The following APOL3 variants were observed in gnomAD, a reference collection of about 807,000 sequenced individuals.
APOL3 encodes TNF-inducible protein CG12-1.
Under a neutral mutation model 11.6 loss-of-function variants are expected in APOL3, and 14 were observed. That is an observed-to-expected ratio of 1.21 (90% CI 0.80 to 1.89). The LOEUF (loss-of-function observed/expected upper bound fraction) is 1.89, where lower values mean the gene tolerates loss of function less well. APOL3 is among the 40% of genes most tolerant of loss of function. The probability of loss-of-function intolerance (pLI) is 0.00; values close to 1 mark genes in which losing one functional copy is unlikely to be tolerated. For missense variants in APOL3, 483 were observed against 492.1 expected (o/e 0.98, Z 0.17); for synonymous variants, 192 against 190.6 (o/e 1.01, Z -0.06).
At chr22:36,161,863 G>A (rs892540377), upstream of APOL3, among the ~76,000 whole-genome samples, 2 of 152,124 alleles carry the variant, frequency 1.3e-5, no homozygotes, top group African/African-American at 4.8e-5. Context: ...AAAGGTGGGG[G>A]GGTGATTGTC....
upstream of APOL3, chr22:36,161,386 A>T (rs1362203484): frequency 5.5e-6 from 1 of 181,694 alleles, no homozygotes; most frequent in Non-Finnish European, 1.2e-5. Context: ...GTGAAATCTT[A>T]CTATTTTTAC....
At chr22:36,145,019 AAAAAAAG>A (rs1182442904) in intron 2 of APOL3, among the ~76,000 whole-genome samples, 176 of 98,940 alleles carry the variant, frequency 1.8e-3, no homozygotes, top group Middle Eastern at 4.5e-3. Context: ...CAAAAAAAAA[AAAAAAAG>A]AAAAAAAAAG....
At chr22:36,159,216 T>C (rs948499740) in intron 1 of APOL3, 2 of 152,192 alleles carry the variant, frequency 1.3e-5, no homozygotes, top group Admixed American at 6.5e-5. Context: ...TGGGCTGCAA[T>C]GTCAACTTTC....
At chr22:36,151,883 G>T (rs2011758394) in intron 1 of APOL3, among the ~76,000 whole-genome samples, 1 of 152,142 alleles carries the variant, frequency 6.6e-6, no homozygotes, top group East Asian at 1.9e-4. Context: ...AGCCCAAGAG[G>T]TCACAGAGCA....
In APOL3 at chr22:36,154,616, CTG is replaced by C. The variant is rs1008792234; in HGVS notation, c.223+6051_223+6052del. On this transcript the variant is annotated intron_variant, in intron 1 of 2. Transcript: ENST00000349314. The stretch of plus-strand genomic sequence containing the variant: ...AAGCTGGCGTGGACTCCCAGAAGGG[CTG>C]TGTTATTCTCCTATGGACAGAAATA... 2.3e-5 allele frequency: 11 copies of C among 470,966 alleles called. No homozygotes were observed. The East Asian group carries it at 2.8e-4, about 12-fold the overall frequency. 29.2% of individuals were successfully genotyped at this position (470,966 alleles called of 1,614,324 possible).
chr22:36,147,798 A>T (rs900982360), intron 1 of APOL3, among the ~76,000 whole-genome samples: 2 of 152,238 alleles, frequency 1.3e-5, no homozygotes, highest in Non-Finnish European at 2.9e-5. Flanking sequence ...AGGGTGTTAA[A>T]GCAAACTTAA....
chr22:36,146,754 A>G (rs1002943284), intron 1 of APOL3, among the ~76,000 whole-genome samples: 1 of 152,142 alleles, frequency 6.6e-6, no homozygotes, highest in Non-Finnish European at 1.5e-5. Flanking sequence ...TCAACAGAGA[A>G]ACCAATGAAT....
chr22:36,158,788 G>A (rs1371436321), intron 1 of APOL3, among the ~76,000 whole-genome samples: 1 of 152,150 alleles, frequency 6.6e-6, no homozygotes, highest in African/African-American at 2.4e-5. Flanking sequence ...TTGCACTCCA[G>A]CCTGGGCGAC....
intron 1 of APOL3, chr22:36,159,695 G>A (rs2013473663): frequency 6.6e-6 from 1 of 152,194 alleles, no homozygotes; most frequent in Admixed American, 6.5e-5. Context: ...AAAGGAACCA[G>A]GTGAGTGTCA....
intron 1 of APOL3, chr22:36,156,896 G>C: frequency 2.2e-6 from 1 of 454,388 alleles, no homozygotes; most frequent in Non-Finnish European, 4.4e-6. Context: ...CGAGGTGTGG[G>C]AGGCAGCACT....
At chr22:36,142,507 T>C (rs1173009706) in intron 2 of APOL3, among the ~76,000 whole-genome samples, 1 of 152,180 alleles carries the variant, frequency 6.6e-6, no homozygotes, top group African/African-American at 2.4e-5. Context: ...CTTTGGGCCC[T>C]GGGAAGGGAT....
chr22:36,154,401 G>A (rs2012383272), intron 1 of APOL3: 1 of 337,178 alleles, frequency 3.0e-6, no homozygotes, highest in Non-Finnish European at 5.8e-6. Context: ...GAACATTTGA[G>A]AAAAGTATAC....
At chr22:36,162,440 T>A (rs981761239), upstream of APOL3, among the ~76,000 whole-genome samples, 2 of 152,218 alleles carry the variant, frequency 1.3e-5, no homozygotes, top group African/African-American at 4.8e-5. Context: ...CAGAGTGGGC[T>A]TTTCTGTGAA....
At chr22:36,161,761 AG>A (rs1335451927), upstream of APOL3, among the ~76,000 whole-genome samples, 1 of 142,448 alleles carries the variant, frequency 7.0e-6, no homozygotes, top group Non-Finnish European at 1.6e-5. Flanking sequence ...TATATTAGGA[AG>A]AAGGGGTCAG....
At chr22:36,163,464 T>G (rs1258634580), upstream of APOL3, among the ~76,000 whole-genome samples, 1 of 152,268 alleles carries the variant, frequency 6.6e-6, no homozygotes, top group Non-Finnish European at 1.5e-5. Context: ...GCACAGCTTC[T>G]GAAGATCGTT....
At chr22:36,143,781 G>A (rs1320541306) in intron 2 of APOL3, among the ~76,000 whole-genome samples, 2 of 152,202 alleles carry the variant, frequency 1.3e-5, no homozygotes, top group African/African-American at 4.8e-5. Context: ...GCCTTAGCAG[G>A]TGACAGCTTC....
intron 1 of APOL3, among the ~76,000 whole-genome samples, chr22:36,157,760 A>G (rs1434748373): frequency 6.6e-6 from 1 of 152,212 alleles, no homozygotes; most frequent in African/African-American, 2.4e-5. Context: ...TCAAGTTTCT[A>G]AAAATATAGC....
In APOL3 at chr22:36,141,436, TTC is replaced by T. The variant is rs1310203595; in HGVS notation, c.971_972del (p.Arg324AsnfsTer41). 5 of 1,614,026 alleles carry T rather than the reference TTC, an allele frequency of 3.1e-6. No individual in the cohort carries two copies. The African/African-American group carries it at 6.7e-5, about 22-fold the overall frequency. On this transcript the variant is annotated frameshift_variant, in exon 3 of 3. Transcript: ENST00000349314. LOFTEE classifies it low-confidence loss of function (END_TRUNC). Reference sequence around the variant, plus strand: ...ACTGCCCGGGTGGTGCCTGCAATCGTTCTCTCTGCTTGACCACCACTTCCAGC... The same window carrying T: ...ACTGCCCGGGTGGTGCCTGCAATCGTTCTCTGCTTGACCACCACTTCCAGC...
At chr22:36,162,822 T>C (rs1384574563), upstream of APOL3, among the ~76,000 whole-genome samples, 4 of 152,342 alleles carry the variant, frequency 2.6e-5, no homozygotes, top group South Asian at 8.3e-4. Context: ...TGCTGTGACC[T>C]GGATGATTTA....
Sources: allele counts gnomAD v4.1 joint callset (sites outside exome capture counted in the v4.1 genomes callset), GRCh38; gene constraint gnomAD v4.1.1; transcripts MANE v1.5; gene names NCBI Gene and HGNC (gene_info 2026-07-23, HGNC 2026-07-21).